PXDNL: variants seen among roughly 807,000 people sequenced by gnomAD.
PXDNL encodes peroxidasin like, also known as probable oxidoreductase PXDNL.
Under a neutral mutation model 150.8 loss-of-function variants are expected in PXDNL, and 145 were observed. The ratio of observed to expected loss-of-function variants is 0.96; its 90% CI spans 0.84 to 1.10. PXDNL has a LOEUF of 1.10. Among genes scored for constraint, PXDNL ranks in the 50% least tolerant of loss-of-function variants. The pLI, the probability that PXDNL is intolerant of heterozygous loss-of-function variation, is 0.00. For missense variants in PXDNL, 2,087 were observed against 1,873.9 expected, an observed-to-expected ratio of 1.11 and a Z score of -2.10; for synonymous variants, 757 against 725.7, an observed-to-expected ratio of 1.04 and a Z score of -0.69.
chr8:51,453,998 A>G (rs373816153), intron 9 of PXDNL, among the ~76,000 whole-genome samples: 12 of 152,326 alleles, frequency 7.9e-5, no homozygotes, highest in African/African-American at 2.9e-4. Flanking sequence ...TTTTAAAAAG[A>G]TTGCTTGCCT....
rs71237237 is a variant in PXDNL, at chr8:51,760,845, C to CTTTTTTTTTTTTTTTTTTTTT, written c.164+48315_164+48335dup. ...GTTAGCCTGAAGGAAATCACTTAAA[C>CTTTTTTTTTTTTTTTTTTTTT]TTTTTTTTTTTTTTTTTTTTTTTTT... On this transcript the variant is annotated intron_variant, in intron 1 of 22. Coordinates refer to ENST00000356297, the MANE Select transcript of PXDNL (RefSeq NM_144651.5). 8.6e-4 allele frequency among the ~76,000 whole-genome samples: 39 copies of CTTTTTTTTTTTTTTTTTTTTT among 45,492 alleles called. 15 individuals are homozygous for CTTTTTTTTTTTTTTTTTTTTT. Among genetic ancestry groups the CTTTTTTTTTTTTTTTTTTTTT allele is most frequent in the Non-Finnish European group, 1.2e-3 (32 of 26,652 alleles). The allele number at this position is 45,492 out of a possible 152,430, so 29.8% of individuals were successfully genotyped here.
chr8:51,622,426 A>C (rs958130141), intron 2 of PXDNL, among the ~76,000 whole-genome samples: 8 of 152,228 alleles, frequency 5.3e-5, no homozygotes, highest in Non-Finnish European at 1.0e-4. Flanking sequence ...ATTGAAAATT[A>C]GTACAGAGGA....
rs529780986 is a variant in PXDNL, at chr8:51,491,064, C to T, written c.453-7350G>A. Among the ~76,000 whole-genome samples, 8 of 152,104 alleles carry T rather than the reference C, an allele frequency of 5.3e-5. No homozygotes were observed. In the South Asian group the frequency reaches 8.3e-4, roughly 16 times the overall value. ...CCAGAATAAAAAGCAGGCAGAAGAACGTAAAAAGACTAGACTGGCTTAGCC... is the reference window on the plus strand; with the variant it reads ...CCAGAATAAAAAGCAGGCAGAAGAATGTAAAAAGACTAGACTGGCTTAGCC... On this transcript the variant is annotated intron_variant, in intron 5 of 22. Coordinates refer to ENST00000356297, the MANE Select transcript of PXDNL (RefSeq NM_144651.5).
intron 2 of PXDNL, among the ~76,000 whole-genome samples, chr8:51,594,292 A>G (rs1442076556): frequency 6.6e-6 from 1 of 151,868 alleles, no homozygotes; most frequent in African/African-American, 2.4e-5. Flanking sequence ...TTAATCACAG[A>G]TCACAAAAAA....
intron 1 of PXDNL, among the ~76,000 whole-genome samples, chr8:51,719,036 C>CG (rs1176570958): frequency 1.3e-5 from 2 of 151,616 alleles, no homozygotes; most frequent in Non-Finnish European, 2.9e-5. Context: ...GGGAGGGAGG[C>CG]GGGGGGCACC....
intron 1 of PXDNL, among the ~76,000 whole-genome samples, chr8:51,744,093 G>GGAAAGAAAGAAAGAAAGAAA (rs1259792170): frequency 2.4e-5 from 1 of 41,180 alleles, no homozygotes; most frequent in Non-Finnish European, 6.0e-5. Context: ...AAGGAAGGAA[G>GGAAAGAAAGAAAGAAAGAAA]GAAAGAAAGA....
At chr8:51,622,053 G>GT (rs1814269848) in intron 2 of PXDNL, among the ~76,000 whole-genome samples, 1 of 152,018 alleles carries the variant, frequency 6.6e-6, no homozygotes, top group Non-Finnish European at 1.5e-5. Context: ...TAAAAGTAGA[G>GT]TTTTCTGTAG....
At chr8:51,580,281 C>T (rs1367604380) in intron 3 of PXDNL, among the ~76,000 whole-genome samples, 2 of 151,980 alleles carry the variant, frequency 1.3e-5, no homozygotes, top group Non-Finnish European at 2.9e-5. Flanking sequence ...TATATTTTTG[C>T]TATATTTATC....
chr8:51,594,073 C>A (rs1370857086), intron 2 of PXDNL, among the ~76,000 whole-genome samples: 1 of 152,180 alleles, frequency 6.6e-6, no homozygotes, highest in African/African-American at 2.4e-5. Flanking sequence ...CTGTTAGTTT[C>A]CCAAACCACC....
intron 5 of PXDNL, among the ~76,000 whole-genome samples, chr8:51,486,831 T>A (rs1810777270): frequency 9.1e-6 from 1 of 110,170 alleles, no homozygotes; most frequent in Non-Finnish European, 1.7e-5. Flanking sequence ...TGAGACGGAG[T>A]CTCACTCTTG....
chr8:51,591,822 G>A (rs2130654647), intron 3 of PXDNL, among the ~76,000 whole-genome samples: 1 of 152,282 alleles, frequency 6.6e-6, no homozygotes, highest in South Asian at 2.1e-4. Flanking sequence ...GTTTCACTGT[G>A]TTAACCAGGA....
intron 2 of PXDNL, among the ~76,000 whole-genome samples, chr8:51,600,290 CTTATATAAATTATATGGTTTAGATAATA>C (rs1277950387): frequency 0.12 from 14,279 of 122,874 alleles, 2,071 homozygotes; most frequent in Admixed American, 0.18. Flanking sequence ...TAAATTATAT[CTTATATAAATTATATGGTTTAGATAATA>C]AATTATATCT....
chr8:51,345,830 T>C lies in PXDNL; in HGVS notation c.4016+3A>G, dbSNP rs1283078479. The stretch of plus-strand genomic sequence containing the variant: ...TAAAGAAATGAGATATTTCTATACA[T>C]ACCTACTTCTTAGATGACTTAACTC... On this transcript the variant is annotated splice_donor_region_variant and intron_variant, in intron 20 of 22. Coordinates refer to ENST00000356297, the MANE Select transcript of PXDNL (RefSeq NM_144651.5). The C allele has an allele frequency of 1.9e-6, 3 of 1,557,312 alleles. No individual in the cohort carries two copies. Among genetic ancestry groups the C allele is most frequent in the East Asian group, 2.2e-5 (1 of 44,608 alleles).
In PXDNL at chr8:51,483,683, G is replaced by C. The variant is rs1810657029; in HGVS notation, c.484C>G (p.Pro162Ala). The change falls in exon 6 of 23, where the codon CCA becomes GCA. Residue 162 changes from proline (P) to alanine (A), a missense_variant. Transcript: ENST00000356297. Reference sequence around the variant, plus strand: ...TCCAGATTAGAAAAGCTCCCAGCTGGAATTTTAGATAATTTGTTGTTATGC... The same window carrying C: ...TCCAGATTAGAAAAGCTCCCAGCTGCAATTTTAGATAATTTGTTGTTATGC... ...FLHNNKLSKI[P>A]AGSFSNLDSL... The C allele has an allele frequency of 6.6e-7, 1 of 1,519,832 alleles. No individual in the cohort carries two copies. Among genetic ancestry groups the C allele is most frequent in the Non-Finnish European group, 8.9e-7 (1 of 1,120,494 alleles). The allele number at this position is 1,519,832 out of a possible 1,614,324, so 94.1% of individuals were successfully genotyped here.
intron 2 of PXDNL, among the ~76,000 whole-genome samples, chr8:51,652,350 C>T (rs1815057042): frequency 6.6e-6 from 1 of 151,864 alleles, no homozygotes; most frequent in Non-Finnish European, 1.5e-5. Flanking sequence ...GTAAGTGTCT[C>T]ATTGCTTAAC....
Position 51,472,216 on chromosome 8 carries a change from G to A in PXDNL, c.783C>T (p.Pro261=), listed in dbSNP as rs1051984416. ...VYFTCRAEGN[P]KPEIIWIHNN... ...TGTGTATCCAAATAATCTCAGGTTTGGGGTTTCCTTCCGCCCGGCAGGTGA... is the reference window on the plus strand; with the variant it reads ...TGTGTATCCAAATAATCTCAGGTTTAGGGTTTCCTTCCGCCCGGCAGGTGA... The change falls in exon 8 of 23, where the codon CCC becomes CCT. Residue 261 remains proline (P), a synonymous_variant. Coordinates refer to ENST00000356297, the MANE Select transcript of PXDNL (RefSeq NM_144651.5). 9 of 1,613,066 alleles carry A rather than the reference G, an allele frequency of 5.6e-6. No individual in the cohort carries two copies. The highest frequency in any genetic ancestry group is 7.6e-6 in the Non-Finnish European group (9 of 1,179,174).
intron 19 of PXDNL, among the ~76,000 whole-genome samples, chr8:51,364,198 G>GCACCA (rs1418585713): frequency 1.1e-4 from 16 of 152,168 alleles, no homozygotes; most frequent in African/African-American, 3.6e-4. Flanking sequence ...GCTTTACATG[G>GCACCA]TGATCTGACT....
At position 51,600,668 on chromosome 8, in the gene PXDNL, A is replaced by G. The variant is rs201631887; in HGVS notation, c.237-7970T>C. Among the ~76,000 whole-genome samples, 134 of 138,548 alleles carry G rather than the reference A, an allele frequency of 9.7e-4. 2 individuals carry two copies. In the East Asian group the frequency reaches 0.027, roughly 28 times the overall value. The allele number at this position is 138,548 out of a possible 152,430, so 90.9% of individuals were successfully genotyped here. A position where few individuals can be genotyped will look rare whatever the true frequency, so the allele number is the denominator to read the frequency against. ...AGATAATAAATTATATCTTATATAA[A>G]TTATATAATTTATATGATAAATTAC... On this transcript the variant is annotated intron_variant, in intron 2 of 22. Transcript: ENST00000356297.
chr8:51,385,678 T>C (rs908262746), intron 17 of PXDNL, among the ~76,000 whole-genome samples: 43 of 152,348 alleles, frequency 2.8e-4, no homozygotes, highest in African/African-American at 1.0e-3. Context: ...CCAAATCTCA[T>C]CTTGAATTGT....
Sources: allele counts gnomAD v4.1 joint callset (sites outside exome capture counted in the v4.1 genomes callset), GRCh38; gene constraint gnomAD v4.1.1; transcripts MANE v1.5; gene names NCBI Gene and HGNC (gene_info 2026-07-23, HGNC 2026-07-21).